Variants in RALGPS2 observed in about 807,000 individuals in gnomAD.
The protein encoded by RALGPS2 is ras-specific guanine nucleotide-releasing factor RalGPS2.
RALGPS2 carries 43 observed loss-of-function variants against 86.8 expected under a neutral mutation model. The observed-to-expected ratio is 0.50, with a 90% CI of 0.39 to 0.64. The LOEUF is 0.64. Among genes scored for constraint, RALGPS2 ranks in the 30% least tolerant of loss-of-function variants. The pLI, the probability that RALGPS2 is intolerant of heterozygous loss-of-function variation, is 0.00. For missense variants in RALGPS2, 536 were observed against 694.6 expected, an observed-to-expected ratio of 0.77 and a Z score of 2.57; for synonymous variants, 243 against 231.3, an observed-to-expected ratio of 1.05 and a Z score of -0.46.
intron 8 of RALGPS2, among the ~76,000 whole-genome samples, chr1:178,870,570 C>T (rs1043087140): frequency 1.3e-5 from 2 of 152,060 alleles, no homozygotes; most frequent in African/African-American, 4.8e-5. Flanking sequence ...TTGCACAGTA[C>T]TTAATGTTTT....
chr1:178,876,322 T>A (rs967781807), intron 8 of RALGPS2, among the ~76,000 whole-genome samples: 8 of 152,188 alleles, frequency 5.3e-5, no homozygotes, highest in African/African-American at 1.2e-4. Context: ...AATTTTTTTT[T>A]AAATTGGGCT....
At chr1:178,825,054 A>G (rs946463248) in intron 7 of RALGPS2, among the ~76,000 whole-genome samples, 18 of 152,160 alleles carry the variant, frequency 1.2e-4, no homozygotes, top group African/African-American at 4.1e-4. Flanking sequence ...GAGTGTGTTA[A>G]CTAAGAAAAC....
chr1:178,768,726 T>G (rs924755211), intron 1 of RALGPS2, among the ~76,000 whole-genome samples: 5 of 151,926 alleles, frequency 3.3e-5, no homozygotes, highest in African/African-American at 1.2e-4. Context: ...CACCTACGGG[T>G]CCCCCAGTGG....
intron 8 of RALGPS2, among the ~76,000 whole-genome samples, chr1:178,856,198 G>GATAT (rs1232946834): frequency 1.3e-3 from 60 of 47,230 alleles, no homozygotes; most frequent in African/African-American, 3.2e-3. Flanking sequence ...TCCAGAGAGA[G>GATAT]AGAGATATAT....
At chr1:178,732,250 C>T (rs1650409636) in intron 1 of RALGPS2, among the ~76,000 whole-genome samples, 1 of 152,044 alleles carries the variant, frequency 6.6e-6, no homozygotes, top group Non-Finnish European at 1.5e-5. Context: ...GCAGTAAGGG[C>T]TCACTTGAGA....
At chr1:178,863,401 T>C (rs1658166890) in intron 8 of RALGPS2, among the ~76,000 whole-genome samples, 9 of 152,102 alleles carry the variant, frequency 5.9e-5, no homozygotes, top group Admixed American at 5.9e-4. Context: ...AATAAATAAC[T>C]TCAGTGTAAT....
At chr1:178,820,811 T>G (rs1655461659) in intron 6 of RALGPS2, among the ~76,000 whole-genome samples, 1 of 152,216 alleles carries the variant, frequency 6.6e-6, no homozygotes, top group Non-Finnish European at 1.5e-5. Context: ...TTTGTGTTAT[T>G]AATTTATTTT....
intron 2 of RALGPS2, 149 bp downstream of exon 2, chr1:178,776,970 C>CTT (rs1409672941): frequency 3.3e-6 from 2 of 611,764 alleles, no homozygotes; most frequent in Non-Finnish European, 5.5e-6. Context: ...TTTTTTTATA[C>CTT]TTTAAGTTTT....
In RALGPS2 at chr1:178,917,784, A is replaced by G. The variant is rs537023535; in HGVS notation, c.*1425A>G. ...GAAAAATGACACTCAAACAAAGGCT[A>G]TATGTCGAATGTTATAAACTCTTGA... On this transcript the variant is annotated 3_prime_UTR_variant, in exon 20 of 20. Coordinates refer to ENST00000367635, the MANE Select transcript of RALGPS2 (RefSeq NM_152663.5). The G allele has an allele frequency of 3.9e-5, 6 of 152,298 alleles. No homozygotes were observed. Among genetic ancestry groups the G allele is most frequent in the South Asian group, 4.1e-4 (2 of 4,832 alleles). The allele number at this position is 152,298 out of a possible 1,614,324, so 9.4% of individuals were successfully genotyped here. A position where few individuals can be genotyped will look rare whatever the true frequency, so the allele number is the denominator to read the frequency against.
At chr1:178,769,503 C>T (rs917375004) in intron 1 of RALGPS2, among the ~76,000 whole-genome samples, 1 of 152,098 alleles carries the variant, frequency 6.6e-6, no homozygotes, top group Non-Finnish European at 1.5e-5. Context: ...GGCCCTGCTG[C>T]ACTATGATCA....
intron 8 of RALGPS2, among the ~76,000 whole-genome samples, chr1:178,862,649 G>T (rs1300284308): frequency 1.3e-5 from 2 of 151,176 alleles, no homozygotes; most frequent in Admixed American, 6.6e-5. Context: ...TTGGTTGGTT[G>T]GTTTGGCTTG....
intron 4 of RALGPS2, among the ~76,000 whole-genome samples, chr1:178,787,137 TTTC>T (rs941202047): frequency 7.9e-5 from 12 of 152,190 alleles, no homozygotes; most frequent in South Asian, 4.2e-4. Context: ...GAAATACTTA[TTTC>T]TTCTCCTCCC....
chr1:178,902,047 GT>G (rs1660199638), intron 17 of RALGPS2, 58 bp from the exon 18 acceptor site: 1 of 1,290,568 alleles, frequency 7.7e-7, no homozygotes, highest in East Asian at 2.3e-5. Flanking sequence ...TAACACTGAA[GT>G]TTTGCTAGAA....
At chr1:178,883,594 A>T in intron 11 of RALGPS2, 61 bp downstream of exon 11, 1 of 1,291,904 alleles carries the variant, frequency 7.7e-7, no homozygotes, top group South Asian at 1.2e-5. Context: ...AAGGAAGAAT[A>T]TACTCCAAAG....
chr1:178,787,704 C>T (rs1307372185), intron 4 of RALGPS2, among the ~76,000 whole-genome samples: 2 of 152,120 alleles, frequency 1.3e-5, no homozygotes, highest in Non-Finnish European at 2.9e-5. Flanking sequence ...TTCCCTTGAC[C>T]TTTACTCCAT....
At chr1:178,796,547 C>T (rs752767647) in intron 4 of RALGPS2, among the ~76,000 whole-genome samples, 4 of 152,140 alleles carry the variant, frequency 2.6e-5, no homozygotes, top group African/African-American at 9.7e-5. Context: ...CAGATTCCAT[C>T]GCTTTTTCTT....
At chr1:178,750,259 C>CATGA (rs1336155849) in intron 1 of RALGPS2, among the ~76,000 whole-genome samples, 1 of 152,204 alleles carries the variant, frequency 6.6e-6, no homozygotes, top group Non-Finnish European at 1.5e-5. Context: ...TGCAGCTATT[C>CATGA]AGTTCTGCTT....
chr1:178,865,350 G>C, intron 8 of RALGPS2: 1 of 1,613,986 alleles, frequency 6.2e-7, no homozygotes, highest in Non-Finnish European at 8.5e-7. Context: ...TCCCTCTTAC[G>C]GATAATCTCA....
chr1:178,913,838 G>A (rs1157064884), intron 19 of RALGPS2, among the ~76,000 whole-genome samples: 2 of 152,072 alleles, frequency 1.3e-5, no homozygotes, highest in African/African-American at 4.8e-5. Context: ...TCTTGAGGTC[G>A]ACCACCGGCT....
Sources: allele counts gnomAD v4.1 joint callset (sites outside exome capture counted in the v4.1 genomes callset), GRCh38; gene constraint gnomAD v4.1.1; transcripts MANE v1.5; gene names NCBI Gene and HGNC (gene_info 2026-07-23, HGNC 2026-07-21).